The following FILIP1L variants were observed in gnomAD, a reference collection of about 807,000 sequenced individuals.
FILIP1L encodes the protein filamin A interacting protein 1 like, also known as filamin A-interacting protein 1-like.
In FILIP1L, 55 loss-of-function variants were observed where a neutral mutation model predicts 96.6. That is an observed-to-expected ratio of 0.57 (90% CI 0.46 to 0.71). The LOEUF is 0.71. Among genes scored for constraint, FILIP1L ranks in the 30% least tolerant of loss-of-function variants. FILIP1L has a pLI of 0.00. For synonymous variants in FILIP1L, 467 were observed against 473.9 expected, an observed-to-expected ratio of 0.99 and a Z score of 0.19; for missense variants, 1,304 against 1,321.2, an observed-to-expected ratio of 0.99 and a Z score of 0.20.
At chr3:99,936,431 A>C (rs1173404289) in intron 1 of FILIP1L, among the ~76,000 whole-genome samples, 1 of 132,562 alleles carries the variant, frequency 7.5e-6, no homozygotes, top group Non-Finnish European at 1.6e-5. Flanking sequence ...GCTAGAGTGC[A>C]GTGGCACGAT....
rs961757882 is a variant in FILIP1L at position 99,848,542 on chromosome 3, T to C, written c.3134A>G (p.Gln1045Arg). The C allele has an allele frequency of 1.9e-6, 3 of 1,614,228 alleles. 1 individual carries two copies. In the South Asian group the frequency reaches 3.3e-5, roughly 18 times the overall value. ...SPDRQSSWQF[Q>R]RSNSNSSSVI... ...ACTTGAGCTATTGCTGTTTGAACGCTGAAACTGCCATGATGACTGCCGGTC... is the reference window on the plus strand; with the variant it reads ...ACTTGAGCTATTGCTGTTTGAACGCCGAAACTGCCATGATGACTGCCGGTC... The change falls in exon 5 of 6, where the codon CAG (glutamine) becomes CGG (arginine). Residue 1045 changes from glutamine to arginine, a missense_variant. Transcript: ENST00000477258.
At chr3:99,837,306 C>G (rs1029438724) in intron 5 of FILIP1L, among the ~76,000 whole-genome samples, 1 of 152,062 alleles carries the variant, frequency 6.6e-6, no homozygotes, top group Non-Finnish European at 1.5e-5. Context: ...TAGTTAGCTC[C>G]TGTTTATATA....
At chr3:99,976,233 G>A (rs1245552026) in intron 1 of FILIP1L, among the ~76,000 whole-genome samples, 2 of 152,116 alleles carry the variant, frequency 1.3e-5, no homozygotes, top group African/African-American at 2.4e-5. Flanking sequence ...AGTCCATATA[G>A]TGTATGCTGC....
intron 1 of FILIP1L, among the ~76,000 whole-genome samples, chr3:99,983,444 ATG>A (rs1423435252): frequency 1.4e-3 from 43 of 29,958 alleles, no homozygotes; most frequent in Admixed American, 2.9e-3. Context: ...ATATATATGT[ATG>A]TATATATATA....
intron 1 of FILIP1L, among the ~76,000 whole-genome samples, chr3:100,090,562 A>G (rs1427340381): frequency 1.3e-5 from 2 of 152,180 alleles, no homozygotes; most frequent in African/African-American, 2.4e-5. Flanking sequence ...CTGTTCTGCA[A>G]TCCCCTGCCT....
At chr3:99,864,079 G>C (rs567299633) in intron 4 of FILIP1L, among the ~76,000 whole-genome samples, 1 of 152,290 alleles carries the variant, frequency 6.6e-6, no homozygotes, top group Admixed American at 6.5e-5. Flanking sequence ...TTAATATGTA[G>C]GAGGTATGGA....
At chr3:100,061,329 A>G (rs556784115) in intron 1 of FILIP1L, among the ~76,000 whole-genome samples, 2 of 152,356 alleles carry the variant, frequency 1.3e-5, no homozygotes, top group South Asian at 4.1e-4. Context: ...GGCCAAGCAC[A>G]TGACATTCGA....
At chr3:99,937,953 A>G (rs1387016982) in intron 1 of FILIP1L, among the ~76,000 whole-genome samples, 1 of 152,222 alleles carries the variant, frequency 6.6e-6, no homozygotes, top group East Asian at 1.9e-4. Flanking sequence ...GGAGTTGGTA[A>G]AGGTGAATTA....
chr3:100,046,712 A>C (rs1037273661), intron 1 of FILIP1L, among the ~76,000 whole-genome samples: 4 of 152,196 alleles, frequency 2.6e-5, no homozygotes, highest in African/African-American at 9.7e-5. Flanking sequence ...CGCTGACAGA[A>C]GTGAGAAAAA....
rs149859510 is a variant in FILIP1L, at chr3:100,000,031, A to G, written c.-10-69001T>C. Among the ~76,000 whole-genome samples, 1,104 of 152,290 alleles carry G rather than the reference A, an allele frequency of 7.2e-3. 19 individuals are homozygous for G. Among genetic ancestry groups the G allele is most frequent in the African/African-American group, 0.024 (1,017 of 41,542 alleles). On this transcript the variant is annotated intron_variant, in intron 1 of 5. Coordinates refer to ENST00000477258, the MANE Select transcript of FILIP1L (RefSeq NM_001387850.1). Reference sequence around the variant, plus strand: ...TACCAGACTCCACCTCCAGAGTCTTATTTGCCTGTAATGGGGCCCAGGCAT... The same window carrying G: ...TACCAGACTCCACCTCCAGAGTCTTGTTTGCCTGTAATGGGGCCCAGGCAT...
At position 99,922,103 on chromosome 3, in the gene FILIP1L, C is replaced by T. The variant is rs114591436; in HGVS notation, c.605+2127G>A. On this transcript the variant is annotated intron_variant, in intron 4 of 5. Coordinates refer to ENST00000477258, the MANE Select transcript of FILIP1L (RefSeq NM_001387850.1). ...GCCTTTTCATTAATGTGGTAAGCCC[C>T]CTGGGCAGGGACAGTCTGTACCTCT... Among the ~76,000 whole-genome samples the T allele has an allele frequency of 5.0e-3, 767 of 152,280 alleles. 6 individuals are homozygous for T. The highest frequency in any genetic ancestry group is 0.017 in the African/African-American group (722 of 41,548).
At chr3:99,833,914 G>T (rs1942789550) in intron 5 of FILIP1L, among the ~76,000 whole-genome samples, 1 of 152,258 alleles carries the variant, frequency 6.6e-6, no homozygotes, top group South Asian at 2.1e-4. Flanking sequence ...TTTTATCTCA[G>T]TGTTTAATGG....
chr3:99,963,922 A>G (rs1708568405), intron 1 of FILIP1L, among the ~76,000 whole-genome samples: 2 of 152,108 alleles, frequency 1.3e-5, no homozygotes, highest in South Asian at 4.1e-4. Flanking sequence ...AGCCACATCC[A>G]TTTGTTAATG....
chr3:99,867,617 C>CT (rs1349506032), intron 4 of FILIP1L, among the ~76,000 whole-genome samples: 1 of 152,150 alleles, frequency 6.6e-6, no homozygotes, highest in Non-Finnish European at 1.5e-5. Context: ...GTCACCTTAG[C>CT]TGCAACATGG....
chr3:99,893,776 A>AT (rs1186367830), intron 4 of FILIP1L, among the ~76,000 whole-genome samples: 2 of 152,172 alleles, frequency 1.3e-5, no homozygotes, highest in Non-Finnish European at 2.9e-5. Context: ...ATTGAGAATG[A>AT]TTTTTGTTTG....
chr3:99,839,670 G>A (rs146077229), intron 5 of FILIP1L, among the ~76,000 whole-genome samples: 3 of 152,246 alleles, frequency 2.0e-5, no homozygotes, highest in African/African-American at 7.2e-5. Context: ...TAGAATTCAG[G>A]TATCTTTGAA....
chr3:99,940,817 G>GTAA (rs1485765955), intron 1 of FILIP1L, among the ~76,000 whole-genome samples: 1 of 152,230 alleles, frequency 6.6e-6, no homozygotes, highest in Non-Finnish European at 1.5e-5. Context: ...GGACCTTGAG[G>GTAA]TAAACAGGTG....
At chr3:100,072,987 GTTTT>G (rs565113768) in intron 1 of FILIP1L, among the ~76,000 whole-genome samples, 2 of 151,506 alleles carry the variant, frequency 1.3e-5, no homozygotes, top group African/African-American at 4.9e-5. Flanking sequence ...ACTTTTTAAA[GTTTT>G]TTTTTACATC....
intron 1 of FILIP1L, among the ~76,000 whole-genome samples, chr3:100,093,045 T>C (rs868727540): frequency 6.6e-6 from 1 of 151,968 alleles, no homozygotes; most frequent in South Asian, 2.1e-4. Context: ...GGAGTAGAGG[T>C]TACTAGATAA....
Sources: gnomAD v4.1 joint callset for allele counts (sites outside exome capture counted in the v4.1 genomes callset) on GRCh38, gnomAD v4.1.1 for gene constraint, MANE v1.5 for transcripts, NCBI Gene and HGNC (gene_info 2026-07-23, HGNC 2026-07-21) for gene names.